ADCY2: variants seen among roughly 807,000 people sequenced by gnomAD.
ADCY2 encodes adenylate cyclase 2.
Under a neutral mutation model 125.2 loss-of-function variants are expected in ADCY2, and 31 were observed. The observed-to-expected ratio is 0.25, with a 90% confidence interval of 0.19 to 0.33. The LOEUF is 0.33. Ranked by LOEUF, ADCY2 falls within the 10% of genes least tolerant of loss-of-function variation. The pLI is 1.00. For synonymous variants in ADCY2, 512 were observed against 548.4 expected, an observed-to-expected ratio of 0.93 and a Z score of 0.93; for missense variants, 904 against 1,418.2, an observed-to-expected ratio of 0.64 and a Z score of 5.82.
At chr5:7,615,775 T>C (rs1038403349) in intron 3 of ADCY2, among the ~76,000 whole-genome samples, 1 of 152,142 alleles carries the variant, frequency 6.6e-6, no homozygotes, top group Non-Finnish European at 1.5e-5. Flanking sequence ...TTTGTTGACA[T>C]CATGTCTTTG....
chr5:7,706,330 C>T (rs1430177866), intron 7 of ADCY2, among the ~76,000 whole-genome samples: 4 of 152,186 alleles, frequency 2.6e-5, no homozygotes, highest in Non-Finnish European at 5.9e-5. Flanking sequence ...AGAAGATATT[C>T]GTTGGAGAGG....
chr5:7,636,420 G>T lies in ADCY2; in HGVS notation c.720+10104G>T, dbSNP rs544117683. 7.9e-5 allele frequency among the ~76,000 whole-genome samples: 12 copies of T among 152,380 alleles called. No homozygotes were observed. In the East Asian group the frequency reaches 2.3e-3, roughly 29 times the overall value. ...TCATGCTGTGACTGAGAGAAGGTCAGTGTGGGTGGGATACCTGTGCAGTCT... is the reference window on the plus strand; with the variant it reads ...TCATGCTGTGACTGAGAGAAGGTCATTGTGGGTGGGATACCTGTGCAGTCT... On this transcript the variant is annotated intron_variant, in intron 4 of 24. Coordinates refer to ENST00000338316, the MANE Select transcript of ADCY2 (RefSeq NM_020546.3).
At chr5:7,693,581 G>T (rs890473151) in intron 5 of ADCY2, among the ~76,000 whole-genome samples, 32 of 152,154 alleles carry the variant, frequency 2.1e-4, no homozygotes, top group African/African-American at 7.0e-4. Context: ...ACTGTGCCCA[G>T]TTAAGTTTTT....
chr5:7,515,576 G>A (rs996384727), intron 2 of ADCY2, among the ~76,000 whole-genome samples: 1 of 152,192 alleles, frequency 6.6e-6, no homozygotes, highest in Admixed American at 6.5e-5. Context: ...ATAAAGAAAT[G>A]GTAATTTGAA....
intron 3 of ADCY2, among the ~76,000 whole-genome samples, chr5:7,528,898 A>C (rs1734556005): frequency 6.6e-6 from 1 of 152,246 alleles, no homozygotes; most frequent in Non-Finnish European, 1.5e-5. Context: ...ACCAGTAATC[A>C]ATCTTTGAAA....
intron 4 of ADCY2, among the ~76,000 whole-genome samples, chr5:7,653,518 G>A (rs1162007788): frequency 1.3e-5 from 2 of 151,960 alleles, no homozygotes; most frequent in Non-Finnish European, 2.9e-5. Context: ...TGGGGGAGGA[G>A]AATGGCATGA....
rs866163254 is a variant in ADCY2, at chr5:7,567,104, G to A, written c.570+46205G>A. The stretch of plus-strand genomic sequence containing the variant: ...GACAATCATGATGTAAATATAATTT[G>A]TTCTCCACTTTTTGGATAACAGTTT... On this transcript the variant is annotated intron_variant, in intron 3 of 24. Transcript: ENST00000338316. Among the ~76,000 whole-genome samples, 8 of 152,228 alleles carry A rather than the reference G, an allele frequency of 5.3e-5. 1 individual carries two copies. In the Middle Eastern group the frequency reaches 0.014, roughly 259 times the overall value.
chr5:7,546,086 A>G (rs559610558), intron 3 of ADCY2, among the ~76,000 whole-genome samples: 1 of 152,282 alleles, frequency 6.6e-6, no homozygotes, highest in South Asian at 2.1e-4. Context: ...CTATTCCAAT[A>G]CTGATGCCAT....
chr5:7,400,524 A>G (rs548328700), intron 1 of ADCY2, among the ~76,000 whole-genome samples: 1 of 152,242 alleles, frequency 6.6e-6, no homozygotes, highest in Non-Finnish European at 1.5e-5. Flanking sequence ...GTAGAGGCCA[A>G]CCAACTTTAT....
intron 14 of ADCY2, among the ~76,000 whole-genome samples, chr5:7,737,556 A>G (rs1205713600): frequency 6.6e-6 from 1 of 152,162 alleles, no homozygotes; most frequent in East Asian, 1.9e-4. Context: ...CTAGCTAGAG[A>G]CATTTGACAA....
At chr5:7,538,917 G>T (rs546121893) in intron 3 of ADCY2, among the ~76,000 whole-genome samples, 1 of 140,062 alleles carries the variant, frequency 7.1e-6, no homozygotes, top group Non-Finnish European at 1.5e-5. Context: ...AGACTGGAGT[G>T]CAGTGGCACG....
chr5:7,672,751 A>G (rs1739977883), intron 4 of ADCY2, among the ~76,000 whole-genome samples: 2 of 152,184 alleles, frequency 1.3e-5, no homozygotes, highest in Admixed American at 6.5e-5. Flanking sequence ...GTTTTATTGG[A>G]ACACAGAGCC....
chr5:7,807,723 G>T (rs1744797867), intron 22 of ADCY2, among the ~76,000 whole-genome samples: 1 of 152,118 alleles, frequency 6.6e-6, no homozygotes, highest in Non-Finnish European at 1.5e-5. Context: ...TAGACACCCT[G>T]CTTTCTAACA....
chr5:7,712,999 A>T (rs1369845377), intron 11 of ADCY2, 100 bp downstream of exon 11: 1 of 858,594 alleles, frequency 1.2e-6, no homozygotes, highest in Non-Finnish European at 1.9e-6. Flanking sequence ...GCTACTTCTG[A>T]AAGAGCAGCT....
chr5:7,624,547 A>T (rs1177435646), intron 3 of ADCY2, among the ~76,000 whole-genome samples: 3 of 152,124 alleles, frequency 2.0e-5, no homozygotes, highest in Non-Finnish European at 4.4e-5. Flanking sequence ...TAAGATGCAG[A>T]GGGTTCATAT....
intron 2 of ADCY2, among the ~76,000 whole-genome samples, chr5:7,427,914 C>T (rs1740445225): frequency 6.6e-6 from 1 of 152,200 alleles, no homozygotes; most frequent in Non-Finnish European, 1.5e-5. Context: ...GAATCCACTC[C>T]ATATGGCATG....
rs1739066850 is a variant in ADCY2, at chr5:7,396,800, C to T, written c.210+294C>T. ...CGTGTGCTTTTTGCATCTTTGCGCA[C>T]CCGCTGGCAAACTCTGCGCTTTCCG... On this transcript the variant is annotated intron_variant, in intron 1 of 24. Transcript: ENST00000338316. This position sits in a 1 kb window ranked among gnomAD's most constrained non-coding sequence, Gnocchi z 5.7. 6.6e-6 allele frequency among the ~76,000 whole-genome samples: 1 copy of T among 152,174 alleles called. No homozygotes were observed. Among genetic ancestry groups the T allele is most frequent in the Admixed American group, 6.5e-5 (1 of 15,286 alleles).
intron 7 of ADCY2, among the ~76,000 whole-genome samples, chr5:7,700,079 G>A (rs1741030197): frequency 6.6e-6 from 1 of 152,266 alleles, no homozygotes; most frequent in East Asian, 1.9e-4. Context: ...CACATTGTAA[G>A]GGAAGAGGTA....
intron 4 of ADCY2, among the ~76,000 whole-genome samples, chr5:7,628,840 A>G (rs1003897446): frequency 6.6e-6 from 1 of 151,642 alleles, no homozygotes; most frequent in Admixed American, 6.6e-5. Context: ...AAAAAAAACC[A>G]TCAGTAAGAT....
Sources: gnomAD v4.1 joint callset for allele counts (sites outside exome capture counted in the v4.1 genomes callset) on GRCh38, gnomAD v4.1.1 for gene constraint, Gnocchi (gnomAD v3.1) non-coding constraint, MANE v1.5 for transcripts, NCBI Gene and HGNC (gene_info 2026-07-23, HGNC 2026-07-21) for gene names.